Variants in DOCK9 observed in about 807,000 individuals in gnomAD.
The protein encoded by DOCK9 is dedicator of cytokinesis 9.
DOCK9 carries 89 observed loss-of-function variants against 263.3 expected under a neutral mutation model. The observed-to-expected ratio is 0.34, with a 90% CI of 0.28 to 0.40. DOCK9 has a LOEUF of 0.40. Ranked by LOEUF, DOCK9 falls within the 10% of genes least tolerant of loss-of-function variation. The pLI is 1.00. For synonymous variants in DOCK9, 976 were observed against 973.1 expected, an observed-to-expected ratio of 1.00 and a Z score of -0.06; for missense variants, 2,140 against 2,603.4, an observed-to-expected ratio of 0.82 and a Z score of 3.87.
intron 1 of DOCK9, among the ~76,000 whole-genome samples, chr13:99,084,613 A>G (rs377222143): frequency 1.3e-5 from 2 of 152,366 alleles, no homozygotes; most frequent in African/African-American, 4.8e-5. Context: ...TTCGGGGACT[A>G]CTGCACATCA....
chr13:98,901,959 C>T (rs1212020287), intron 12 of DOCK9, 59 bp from the exon 13 acceptor site: 8 of 1,583,804 alleles, frequency 5.1e-6, no homozygotes, highest in African/African-American at 1.3e-5. Flanking sequence ...AAACAAATCC[C>T]ATGAACATTA....
intron 1 of DOCK9, among the ~76,000 whole-genome samples, chr13:98,965,859 C>T (rs971329497): frequency 1.3e-5 from 2 of 152,080 alleles, no homozygotes; most frequent in Non-Finnish European, 2.9e-5. Flanking sequence ...AGACTAACAC[C>T]AACAATTAGA....
intron 27 of DOCK9, among the ~76,000 whole-genome samples, chr13:98,875,793 C>T (rs2043732059): frequency 6.6e-6 from 1 of 152,204 alleles, no homozygotes; most frequent in Non-Finnish European, 1.5e-5. Flanking sequence ...TCCATCCATA[C>T]TTTGCAGGTC....
chr13:98,941,540 ACTAG>A (rs1445247502), intron 2 of DOCK9, among the ~76,000 whole-genome samples: 2 of 152,210 alleles, frequency 1.3e-5, no homozygotes, highest in Non-Finnish European at 2.9e-5. Flanking sequence ...ACCCTTAATA[ACTAG>A]TTATGAATTA....
chr13:99,087,613 C>G (rs1044155688), upstream of DOCK9, among the ~76,000 whole-genome samples: 2 of 152,196 alleles, frequency 1.3e-5, no homozygotes, highest in Non-Finnish European at 2.9e-5. Context: ...CCGCTCCCGC[C>G]CCGGCTCCGT....
chr13:99,016,501 C>T (rs1885433245), intron 1 of DOCK9, among the ~76,000 whole-genome samples: 1 of 152,194 alleles, frequency 6.6e-6, no homozygotes, highest in African/African-American at 2.4e-5. Context: ...TCTGAAGCAG[C>T]ACTCCAGTAT....
intron 1 of DOCK9, among the ~76,000 whole-genome samples, chr13:98,988,158 G>A (rs910476582): frequency 3.9e-5 from 6 of 152,200 alleles, no homozygotes; most frequent in Admixed American, 3.9e-4. Flanking sequence ...ATAATGTCCA[G>A]GAAAGTAGCA....
intron 45 of DOCK9, among the ~76,000 whole-genome samples, chr13:98,821,180 A>C (rs1399956209): frequency 3.3e-5 from 5 of 152,186 alleles, no homozygotes; most frequent in Non-Finnish European, 7.4e-5. Context: ...AGAAGCAGAC[A>C]CTGCAGGACT....
At chr13:98,924,187 T>C (rs978709924) in intron 4 of DOCK9, among the ~76,000 whole-genome samples, 25 of 152,080 alleles carry the variant, frequency 1.6e-4, no homozygotes, top group Admixed American at 7.2e-4. Context: ...AATATAGAAC[T>C]AAAGGGCTAC....
intron 1 of DOCK9, among the ~76,000 whole-genome samples, chr13:99,010,598 C>T (rs1294930253): frequency 6.6e-6 from 1 of 152,220 alleles, no homozygotes; most frequent in African/African-American, 2.4e-5. Flanking sequence ...TAGGAAAAAT[C>T]TACACTCAGG....
At chr13:98,865,585 C>T (rs1296701894) in intron 30 of DOCK9, among the ~76,000 whole-genome samples, 1 of 152,202 alleles carries the variant, frequency 6.6e-6, no homozygotes, top group African/African-American at 2.4e-5. Flanking sequence ...ACCAAATACC[C>T]TAGAAGTCTA....
chr13:98,890,952 G>T (rs1234806549), intron 15 of DOCK9, among the ~76,000 whole-genome samples: 1 of 152,174 alleles, frequency 6.6e-6, no homozygotes, highest in Non-Finnish European at 1.5e-5. Flanking sequence ...GTAATGGTCA[G>T]GAAGGCAAGT....
Position 98,798,137 on chromosome 13 carries a change from G to A in DOCK9, c.5917-648C>T, listed in dbSNP as rs549204446. Among the ~76,000 whole-genome samples, 5 of 152,302 alleles carry A rather than the reference G, an allele frequency of 3.3e-5. No individual in the cohort carries two copies. In the South Asian group the frequency reaches 8.3e-4, roughly 25 times the overall value. The stretch of plus-strand genomic sequence containing the variant: ...GGTCTGCTGATTCTGGATAAGTAAG[G>A]AAAGGTAAGAACGTGGTGAGAAAGA... On this transcript the variant is annotated intron_variant, in intron 50 of 52. Coordinates refer to ENST00000682017, the MANE Select transcript of DOCK9 (RefSeq NM_001366683.2).
At chr13:98,914,656 A>G (rs368351224) in intron 8 of DOCK9, among the ~76,000 whole-genome samples, 1 of 152,202 alleles carries the variant, frequency 6.6e-6, no homozygotes, top group Admixed American at 6.5e-5. Flanking sequence ...AACAGCCCAC[A>G]TGGACACGTC....
At chr13:98,995,731 G>A (rs1458392156) in intron 1 of DOCK9, among the ~76,000 whole-genome samples, 11 of 151,966 alleles carry the variant, frequency 7.2e-5, no homozygotes, top group African/African-American at 1.2e-4. Context: ...CTTGTGATCC[G>A]CCCGTCTAGG....
chr13:98,931,024 CTT>C (rs2053831615), intron 2 of DOCK9, among the ~76,000 whole-genome samples: 1 of 152,234 alleles, frequency 6.6e-6, no homozygotes, highest in African/African-American at 2.4e-5. Context: ...CCATCCATCT[CTT>C]GTCATTTACA....
At chr13:98,858,998 C>A (rs2093778750) in intron 33 of DOCK9, 1 of 152,232 alleles carries the variant, frequency 6.6e-6, no homozygotes, top group South Asian at 2.1e-4. Flanking sequence ...CTCTTAATCC[C>A]TCTAACGACC....
Position 98,829,841 on chromosome 13 carries a change from T to A in DOCK9, c.4636-85A>T. On this transcript the variant is annotated intron_variant, in intron 41 of 52. Transcript: ENST00000682017. This position sits in a 1 kb window ranked among gnomAD's most constrained non-coding sequence, Gnocchi z 4.1. ...CTTCTGCGTTCAGTTAGGATGTGCCTAAGGACCCAGCAAAGTGGGGGTTGG... is the reference window on the plus strand; with the variant it reads ...CTTCTGCGTTCAGTTAGGATGTGCCAAAGGACCCAGCAAAGTGGGGGTTGG... The A allele has an allele frequency of 8.3e-7, 1 of 1,209,824 alleles. No homozygotes were observed. Among genetic ancestry groups the A allele is most frequent in the Non-Finnish European group, 1.2e-6 (1 of 841,540 alleles). The allele number at this position is 1,209,824 out of a possible 1,614,324, so 74.9% of individuals were successfully genotyped here.
chr13:98,867,225 G>A, intron 30 of DOCK9, 200 bp downstream of exon 30: 1 of 566,520 alleles, frequency 1.8e-6, no homozygotes, highest in Non-Finnish European at 3.1e-6. Context: ...GGCATGATCT[G>A]TAGTCTGATA....
Sources: gnomAD v4.1 joint callset for allele counts (sites outside exome capture counted in the v4.1 genomes callset) on GRCh38, gnomAD v4.1.1 for gene constraint, Gnocchi (gnomAD v3.1) non-coding constraint, MANE v1.5 for transcripts, NCBI Gene and HGNC (gene_info 2026-07-23, HGNC 2026-07-21) for gene names.